Variants in TDRD10 observed in about 807,000 individuals in gnomAD.
TDRD10 encodes tudor domain containing 10.
Under a neutral mutation model 48.0 loss-of-function variants are expected in TDRD10, and 40 were observed. The observed-to-expected ratio is 0.83, with a 90% CI of 0.65 to 1.09. The LOEUF is 1.09. Ranked by LOEUF, TDRD10 falls within the 50% of genes least tolerant of loss-of-function variation. The pLI is 0.00. For missense variants in TDRD10, 378 were observed against 434.7 expected (o/e 0.87, Z 1.16); for synonymous variants, 162 against 170.4 (o/e 0.95, Z 0.38).
At chr1:154,539,062 C>T (rs1243160626) in intron 6 of TDRD10, among the ~76,000 whole-genome samples, 1 of 152,178 alleles carries the variant, frequency 6.6e-6, no homozygotes, top group Non-Finnish European at 1.5e-5. Context: ...GTAACTCACC[C>T]AGACTTAAGC....
intron 1 of TDRD10, among the ~76,000 whole-genome samples, chr1:154,505,691 A>T (rs1314704132): frequency 2.0e-5 from 3 of 152,230 alleles, no homozygotes; most frequent in Non-Finnish European, 2.9e-5. Flanking sequence ...TTGGAATCAC[A>T]GGACTGAGTT....
intron 4 of TDRD10, among the ~76,000 whole-genome samples, chr1:154,511,985 A>G (rs1693503957): frequency 6.6e-6 from 1 of 151,958 alleles, no homozygotes; most frequent in Admixed American, 6.6e-5. Flanking sequence ...AGACGAGATC[A>G]TGCCACTGCA....
At chr1:154,540,191 A>G (rs756725907) in intron 6 of TDRD10, among the ~76,000 whole-genome samples, 20 of 152,232 alleles carry the variant, frequency 1.3e-4, no homozygotes, top group Admixed American at 1.3e-4. Flanking sequence ...GTGCCACAGC[A>G]GGGCTCCCTG....
At position 154,521,312 on chromosome 1, in the gene TDRD10, T is replaced by C. The variant is rs771141545; in HGVS notation, c.213-11T>C. On this transcript the variant is annotated splice_polypyrimidine_tract_variant and intron_variant, in intron 5 of 12. Transcript: ENST00000368482. ...GTGCTCAAAGCCTCCCTCTCTCTCT[T>C]CCCTTTTCAGCTTTGCATTTGTAGA... 6.2e-7 allele frequency: 1 copy of C among 1,613,874 alleles called. No individual in the cohort carries two copies. The highest frequency in any genetic ancestry group is 8.5e-7 in the Non-Finnish European group (1 of 1,179,860).
Position 154,547,665 on chromosome 1 carries a change from C to T in TDRD10, c.1024-13C>T. On this transcript the variant is annotated splice_polypyrimidine_tract_variant and intron_variant, in intron 12 of 12. Transcript: ENST00000368482. ...GCCTTCCTTCCCACCAAGGCTTTGT[C>T]TTTCTCTTCCAGTTGCACATCCTAA... The T allele has an allele frequency of 6.2e-7, 1 of 1,614,166 alleles. No homozygotes were observed. Among genetic ancestry groups the T allele is most frequent in the Non-Finnish European group, 8.5e-7 (1 of 1,180,018 alleles).
intron 1 of TDRD10, among the ~76,000 whole-genome samples, chr1:154,506,012 AG>A (rs1204632842): frequency 6.6e-6 from 1 of 152,236 alleles, no homozygotes; most frequent in Non-Finnish European, 1.5e-5. Context: ...TTCTTTCCAC[AG>A]GCCAGCCACT....
intron 6 of TDRD10, among the ~76,000 whole-genome samples, chr1:154,540,507 CAAAAAAAAAAA>C (rs57375022): frequency 9.2e-6 from 1 of 109,146 alleles, no homozygotes. Flanking sequence ...CCCATCTCTA[CAAAAAAAAAAA>C]AAAAAAAAAA....
At chr1:154,535,511 G>C (rs768053195) in intron 6 of TDRD10, among the ~76,000 whole-genome samples, 2 of 152,022 alleles carry the variant, frequency 1.3e-5, no homozygotes, top group African/African-American at 2.4e-5. Context: ...AACATCCTGG[G>C]CAACCCTGTC....
At chr1:154,542,163 C>T in intron 7 of TDRD10, 97 bp downstream of exon 7, 2 of 1,168,446 alleles carry the variant, frequency 1.7e-6, no homozygotes, top group South Asian at 1.3e-5. Flanking sequence ...CCAGCTCAGT[C>T]CCCTGATGAC....
chr1:154,524,412 C>T (rs1418745699), intron 6 of TDRD10, among the ~76,000 whole-genome samples: 2 of 152,130 alleles, frequency 1.3e-5, no homozygotes, highest in African/African-American at 4.8e-5. Flanking sequence ...AGTGATCTGC[C>T]CACCTTGGCC....
chr1:154,544,036 C>G lies in TDRD10; in HGVS notation c.577C>G (p.Arg193Gly), dbSNP rs766356300. ...LSWLALIHSV[R>G]GEAGLLVTSI... ...CTGGCTGGCACTCATCCATAGCGTCCGTGGGGAGGCGGGGCTGCTGGTGAC... is the reference window on the plus strand; with the variant it reads ...CTGGCTGGCACTCATCCATAGCGTCGGTGGGGAGGCGGGGCTGCTGGTGAC... The change falls in exon 9 of 13, where the codon CGT (arginine) becomes GGT (glycine). Residue 193 changes from arginine to glycine, a missense_variant. Coordinates refer to ENST00000368482, the MANE Select transcript of TDRD10 (RefSeq NM_182499.4). 1 of 1,614,046 alleles carries G rather than the reference C, an allele frequency of 6.2e-7. No individual in the cohort carries two copies. The highest frequency in any genetic ancestry group is 8.5e-7 in the Non-Finnish European group (1 of 1,180,054).
intron 6 of TDRD10, among the ~76,000 whole-genome samples, chr1:154,533,898 T>A (rs1396339835): frequency 0.21 from 27,720 of 128,970 alleles, 2,818 homozygotes; most frequent in South Asian, 0.27. Flanking sequence ...TATATATTTT[T>A]TTTTAATTTT....
At position 154,544,120 on chromosome 1, in the gene TDRD10, G is replaced by A. The variant is rs1461484903; in HGVS notation, c.651+10G>A. 6.2e-7 allele frequency: 1 copy of A among 1,614,082 alleles called. No individual in the cohort carries two copies. The highest frequency in any genetic ancestry group is 2.2e-5 in the East Asian group (1 of 44,874). The stretch of plus-strand genomic sequence containing the variant: ...TATGCACGTCACTGAGGTATGGACT[G>A]GTTGTTGGCCCCCTCAGGCTCCTGT... On this transcript the variant is annotated intron_variant, in intron 9 of 12. Transcript: ENST00000368482.
At chr1:154,526,896 T>A (rs1694349211) in intron 6 of TDRD10, among the ~76,000 whole-genome samples, 1 of 151,328 alleles carries the variant, frequency 6.6e-6, no homozygotes, top group Non-Finnish European at 1.5e-5. Context: ...GCCTGAATTT[T>A]TTTTTTATTT....
chr1:154,525,733 A>C (rs193110292), intron 6 of TDRD10, among the ~76,000 whole-genome samples: 10 of 152,112 alleles, frequency 6.6e-5, no homozygotes, highest in African/African-American at 2.4e-4. Flanking sequence ...ATCTCTACTA[A>C]AAAATACAAA....
At chr1:154,521,510 G>A (rs1377713319) in intron 6 of TDRD10, 31 bp downstream of exon 6, 3 of 1,605,912 alleles carry the variant, frequency 1.9e-6, no homozygotes, top group Non-Finnish European at 1.7e-6. Context: ...GCTCTGGGGC[G>A]TTCCATTTTC....
intron 4 of TDRD10, among the ~76,000 whole-genome samples, chr1:154,517,112 A>C (rs1056611497): frequency 1.3e-5 from 2 of 152,056 alleles, no homozygotes; most frequent in Non-Finnish European, 2.9e-5. Flanking sequence ...TGGGAAACAT[A>C]GGAGGGGGTC....
At chr1:154,547,378 T>C in intron 11 of TDRD10, 31 bp from the exon 12 acceptor site, 9 of 1,607,470 alleles carry the variant, frequency 5.6e-6, no homozygotes, top group Non-Finnish European at 7.7e-6. Flanking sequence ...CCCGTGCCAC[T>C]GAGGTTTTGT....
chr1:154,529,545 CATT>C (rs1368882250), intron 6 of TDRD10, among the ~76,000 whole-genome samples: 1 of 87,162 alleles, frequency 1.1e-5, no homozygotes, highest in Admixed American at 1.8e-4. Flanking sequence ...TTTCTGTGTT[CATT>C]TTTTTTTTTT....
Sources: allele counts gnomAD v4.1 joint callset (sites outside exome capture counted in the v4.1 genomes callset), GRCh38; gene constraint gnomAD v4.1.1; transcripts MANE v1.5; gene names NCBI Gene and HGNC (gene_info 2026-07-23, HGNC 2026-07-21).